MTHFD1L: variants seen among roughly 807,000 people sequenced by gnomAD.
MTHFD1L encodes monofunctional C1-tetrahydrofolate synthase, mitochondrial.
MTHFD1L carries 81 observed loss-of-function variants against 119.5 expected under a neutral mutation model. The observed-to-expected ratio is 0.68, with a 90% CI of 0.57 to 0.82. The LOEUF (loss-of-function observed/expected upper bound fraction) is 0.82. Ranked by LOEUF, MTHFD1L falls within the 40% of genes least tolerant of loss-of-function variation. The pLI, the probability that MTHFD1L is intolerant of heterozygous loss-of-function variation, is 0.00. For missense variants in MTHFD1L, 1,125 were observed against 1,253.4 expected (o/e 0.90, Z 1.55); for synonymous variants, 430 against 475.2 (o/e 0.90, Z 1.24).
chr6:150,937,737 C>T (rs4869956), intron 12 of MTHFD1L, among the ~76,000 whole-genome samples: 14,051 of 152,114 alleles, frequency 0.092, 929 homozygotes, highest in Admixed American at 0.19. Context: ...CACAACCTCT[C>T]GGAGCCGCAT....
intron 20 of MTHFD1L, among the ~76,000 whole-genome samples, chr6:150,989,178 C>T (rs1368357202): frequency 6.6e-6 from 1 of 152,112 alleles, no homozygotes; most frequent in Non-Finnish European, 1.5e-5. Context: ...TTACAAACTG[C>T]TTGGGTATCT....
At chr6:151,006,217 T>C (rs1273394293) in intron 20 of MTHFD1L, among the ~76,000 whole-genome samples, 1 of 151,120 alleles carries the variant, frequency 6.6e-6, no homozygotes, top group African/African-American at 2.4e-5. Context: ...GCGGGAGGAG[T>C]AGCCAACTTT....
intron 26 of MTHFD1L, among the ~76,000 whole-genome samples, chr6:151,074,141 C>G (rs1322615174): frequency 3.9e-5 from 6 of 152,114 alleles, no homozygotes; most frequent in Non-Finnish European, 8.8e-5. Context: ...GTTAAAATAT[C>G]TTTCCAAAAC....
intron 13 of MTHFD1L, among the ~76,000 whole-genome samples, chr6:150,942,391 C>G (rs1793278033): frequency 6.6e-6 from 1 of 152,188 alleles, no homozygotes; most frequent in Non-Finnish European, 1.5e-5. Context: ...CTCCCACACA[C>G]TGCTGGAAAG....
intron 26 of MTHFD1L, among the ~76,000 whole-genome samples, chr6:151,056,435 G>T (rs776556292): frequency 6.6e-6 from 1 of 152,148 alleles, no homozygotes; most frequent in Non-Finnish European, 1.5e-5. Flanking sequence ...ACAGCCACCC[G>T]GCTTTTTCTG....
chr6:150,960,037 T>C (rs1046799991), intron 17 of MTHFD1L, among the ~76,000 whole-genome samples: 3 of 152,196 alleles, frequency 2.0e-5, no homozygotes, highest in Admixed American at 1.3e-4. Flanking sequence ...CAGCCCACCC[T>C]TTGCTGAGCA....
At chr6:151,082,218 A>G (rs1008338145) in intron 26 of MTHFD1L, among the ~76,000 whole-genome samples, 4 of 152,220 alleles carry the variant, frequency 2.6e-5, no homozygotes, top group Admixed American at 1.3e-4. Context: ...AATATGACAC[A>G]TGAGGAATGG....
chr6:150,963,002 A>G lies in MTHFD1L; in HGVS notation c.1945-1967A>G, dbSNP rs530302191. 1.2e-4 allele frequency among the ~76,000 whole-genome samples: 17 copies of G among 144,644 alleles called. No individual in the cohort carries two copies. The East Asian group carries it at 3.4e-3, about 29-fold the overall frequency. The allele number at this position is 144,644 out of a possible 152,430, so 94.9% of individuals were successfully genotyped here. On this transcript the variant is annotated intron_variant, in intron 18 of 27. Coordinates refer to ENST00000367321, the MANE Select transcript of MTHFD1L (RefSeq NM_015440.5). ...GCAATCTAAGCTCACTGCAACCTCC[A>G]ACTCCCAGGTTCAAGTGATTCTCCT...
intron 22 of MTHFD1L, 145 bp downstream of exon 22, chr6:151,013,965 C>T: frequency 1.4e-6 from 1 of 703,106 alleles, no homozygotes. Flanking sequence ...GTAATTTCAG[C>T]ACTTTGGGAG....
chr6:150,865,749 G>GCCGC lies in MTHFD1L; in HGVS notation c.-73_-72insCGCC. The stretch of plus-strand genomic sequence containing the variant: ...GCCGCCGCCGCCGCCGCCGCCGCCT[G>GCCGC]CTCCCCTGGCACGCGCCCCGCCGCC... On this transcript the variant is annotated 5_prime_UTR_variant, in exon 1 of 28. Transcript: ENST00000367321. 9.2e-7 allele frequency: 1 copy of GCCGC among 1,082,666 alleles called. No individual in the cohort carries two copies. The highest frequency in any genetic ancestry group is 1.1e-6 in the Non-Finnish European group (1 of 874,882). 67.1% of individuals were successfully genotyped at this position (1,082,666 alleles called of 1,614,324 possible).
intron 26 of MTHFD1L, chr6:151,055,037 A>C (rs1272017555): frequency 6.6e-6 from 1 of 152,192 alleles, no homozygotes; most frequent in Non-Finnish European, 1.5e-5. Context: ...AGGCTGAGGC[A>C]GGCAGATCAC....
intron 8 of MTHFD1L, among the ~76,000 whole-genome samples, chr6:150,909,408 A>AT (rs1480773231): frequency 2.2e-4 from 33 of 151,888 alleles, no homozygotes; most frequent in Non-Finnish European, 3.8e-4. Flanking sequence ...AATTAAAACA[A>AT]TTTTTTTTGT....
intron 16 of MTHFD1L, among the ~76,000 whole-genome samples, chr6:150,954,185 G>C (rs1376312810): frequency 1.3e-5 from 2 of 152,186 alleles, no homozygotes; most frequent in Non-Finnish European, 2.9e-5. Context: ...TACCAAATAC[G>C]TAATTTCCAT....
At chr6:151,074,071 T>C (rs6903472) in intron 26 of MTHFD1L, among the ~76,000 whole-genome samples, 107,741 of 151,540 alleles carry the variant, frequency 0.71, 41,140 homozygotes, top group East Asian at 0.91. Flanking sequence ...AACTAGAAGG[T>C]GGTAGGTCAA....
At chr6:150,869,027 C>T (rs1443249540) in intron 1 of MTHFD1L, among the ~76,000 whole-genome samples, 1 of 152,170 alleles carries the variant, frequency 6.6e-6, no homozygotes, top group Admixed American at 6.5e-5. Flanking sequence ...CGCTACTGCA[C>T]TGCAGCCTGG....
chr6:150,971,474 C>T (rs1341654730), intron 19 of MTHFD1L, among the ~76,000 whole-genome samples: 1 of 152,214 alleles, frequency 6.6e-6, no homozygotes, highest in East Asian at 1.9e-4. Context: ...ACGGGGATTA[C>T]AGGCGTGAGT....
intron 11 of MTHFD1L, among the ~76,000 whole-genome samples, chr6:150,927,229 G>A (rs916530433): frequency 6.6e-6 from 1 of 152,086 alleles, no homozygotes; most frequent in Non-Finnish European, 1.5e-5. Context: ...AAGTGAAAAA[G>A]TAAAACATCC....
chr6:150,980,036 A>G (rs1201230261), intron 20 of MTHFD1L, among the ~76,000 whole-genome samples: 1 of 151,782 alleles, frequency 6.6e-6, no homozygotes, highest in Admixed American at 6.6e-5. Context: ...TAATTCTCCC[A>G]GACCTTGCCC....
At chr6:150,910,478 G>A (rs1562361743) in intron 8 of MTHFD1L, among the ~76,000 whole-genome samples, 3 of 150,252 alleles carry the variant, frequency 2.0e-5, no homozygotes, top group South Asian at 2.1e-4. Flanking sequence ...CAGGAGAATC[G>A]CTTGAACCCA....
Sources: allele counts gnomAD v4.1 joint callset (sites outside exome capture counted in the v4.1 genomes callset), GRCh38; gene constraint gnomAD v4.1.1; transcripts MANE v1.5; gene names NCBI Gene and HGNC (gene_info 2026-07-23, HGNC 2026-07-21).